The following CHSY1 variants were observed in gnomAD, a reference collection of about 807,000 sequenced individuals.
CHSY1 encodes N-acetylgalactosaminyl-proteoglycan 3-beta-glucuronosyltransferase 1.
CHSY1 carries 13 observed loss-of-function variants against 59.8 expected under a neutral mutation model. The observed-to-expected ratio is 0.22, with a 90% CI of 0.14 to 0.35. The LOEUF (loss-of-function observed/expected upper bound fraction) is 0.35. CHSY1 is among the 10% of genes least tolerant of loss of function. The pLI, the probability that CHSY1 is intolerant of heterozygous loss-of-function variation, is 1.00. For synonymous variants in CHSY1, 459 were observed against 401.2 expected, an observed-to-expected ratio of 1.14 and a Z score of -1.72; for missense variants, 947 against 1,030.6, an observed-to-expected ratio of 0.92 and a Z score of 1.11.
chr15:101,246,350 G>A (rs1192666540), intron 1 of CHSY1, among the ~76,000 whole-genome samples: 1 of 96,762 alleles, frequency 1.0e-5, no homozygotes, highest in East Asian at 2.8e-4. Context: ...AGCAAAATAC[G>A]TGTGGCTTTT....
intron 1 of CHSY1, among the ~76,000 whole-genome samples, chr15:101,244,751 C>T (rs2039035011): frequency 6.6e-6 from 1 of 152,158 alleles, no homozygotes; most frequent in African/African-American, 2.4e-5. Flanking sequence ...ATATTCTGAA[C>T]CTCTCCTCAT....
chr15:101,180,978 G>A (rs148636978), intron 2 of CHSY1, among the ~76,000 whole-genome samples: 2,706 of 152,302 alleles, frequency 0.018, 38 homozygotes, highest in East Asian at 0.097. Flanking sequence ...GTTGAGAAAG[G>A]TTATTTGCAG....
intron 1 of CHSY1, among the ~76,000 whole-genome samples, chr15:101,236,887 T>C (rs567370824): frequency 2.0e-5 from 3 of 152,006 alleles, no homozygotes; most frequent in African/African-American, 4.8e-5. Context: ...TTACCTATTT[T>C]GGTATGTCTT....
At chr15:101,249,086 A>G (rs898481196) in intron 1 of CHSY1, among the ~76,000 whole-genome samples, 1 of 151,214 alleles carries the variant, frequency 6.6e-6, no homozygotes, top group African/African-American at 2.4e-5. Flanking sequence ...GACAGGCGTG[A>G]GCCACCGCGC....
chr15:101,184,025 C>T (rs79327037), intron 2 of CHSY1, among the ~76,000 whole-genome samples: 2,721 of 152,218 alleles, frequency 0.018, 40 homozygotes, highest in East Asian at 0.1. Context: ...CTTTTTTTTA[C>T]TCCCTAGACC....
At position 101,235,409 on chromosome 15, in the gene CHSY1, C is replaced by A. The variant is rs146047900; in HGVS notation, c.489G>T (p.Lys163Asn). 1.2e-5 allele frequency: 19 copies of A among 1,614,044 alleles called. No individual in the cohort carries two copies. Among genetic ancestry groups the A allele is most frequent in the Non-Finnish European group, 1.6e-5 (19 of 1,180,038 alleles). ...CATCTGCTCTCATAAACCATTCATA[C>A]TTGTCCAAGTAGTGGTCGTGCATGT... ...LKYMHDHYLD[K>N]YEWFMRADDD... Residue 163 changes from lysine (K) to asparagine (N), a missense_variant, in exon 2 of 3, where the codon AAG becomes AAT. This residue lies in a region of CHSY1 where 108 missense variants were observed against 144.4 expected (regional missense o/e 0.75). Transcript: ENST00000254190.
chr15:101,228,920 A>C (rs1336159404), intron 2 of CHSY1, among the ~76,000 whole-genome samples: 1 of 152,240 alleles, frequency 6.6e-6, no homozygotes, highest in African/African-American at 2.4e-5. Context: ...GTTGACTGGC[A>C]TACAACGTAT....
chr15:101,228,057 A>C (rs2038857857), intron 2 of CHSY1, among the ~76,000 whole-genome samples: 1 of 152,222 alleles, frequency 6.6e-6, no homozygotes, highest in Admixed American at 6.5e-5. Context: ...CGGAAAAAGC[A>C]GCCAATACGG....
chr15:101,231,493 C>T (rs933737095), intron 2 of CHSY1, among the ~76,000 whole-genome samples: 1 of 152,178 alleles, frequency 6.6e-6, no homozygotes, highest in Non-Finnish European at 1.5e-5. Flanking sequence ...GAATTTTGAG[C>T]CACGTGACAG....
chr15:101,200,402 G>A (rs530539400), intron 2 of CHSY1, among the ~76,000 whole-genome samples: 12 of 152,266 alleles, frequency 7.9e-5, no homozygotes, highest in Non-Finnish European at 1.3e-4. Context: ...CTGTGTCCTC[G>A]AGCAAGTCTC....
intron 2 of CHSY1, among the ~76,000 whole-genome samples, chr15:101,194,072 C>G (rs2038479096): frequency 6.6e-6 from 1 of 152,260 alleles, no homozygotes; most frequent in Non-Finnish European, 1.5e-5. Flanking sequence ...CCACCAGCAT[C>G]TTTTAAAAGT....
At chr15:101,191,184 GTGAA>G (rs1043282122) in intron 2 of CHSY1, among the ~76,000 whole-genome samples, 4 of 152,330 alleles carry the variant, frequency 2.6e-5, no homozygotes, top group Non-Finnish European at 4.4e-5. Flanking sequence ...CCTTCAGTTG[GTGAA>G]TGAATAAACT....
intron 2 of CHSY1, among the ~76,000 whole-genome samples, chr15:101,196,274 C>G (rs2038506679): frequency 6.7e-6 from 1 of 149,926 alleles, no homozygotes; most frequent in African/African-American, 2.5e-5. Context: ...CATACCCTAA[C>G]TAAACAATGT....
At chr15:101,244,586 G>C (rs1401109908) in intron 1 of CHSY1, among the ~76,000 whole-genome samples, 1 of 152,170 alleles carries the variant, frequency 6.6e-6, no homozygotes, top group Non-Finnish European at 1.5e-5. Flanking sequence ...ATAGAAAAGA[G>C]CTAAGAAGAA....
Position 101,251,200 on chromosome 15 carries a change from A to G in CHSY1, c.257T>C (p.Phe86Ser). 7 of 1,600,192 alleles carry G rather than the reference A, an allele frequency of 4.4e-6. No homozygotes were observed. The highest frequency in any genetic ancestry group is 1.3e-5 in the African/African-American group (1 of 74,692). ...DPDGGPRDRN[F>S]LFVGVMTAQK... ...GGCGGTCATGACTCCCACGAAGAGAAAGTTCCTGTCGCGCGGGCCGCCATC... is the reference window on the plus strand; with the variant it reads ...GGCGGTCATGACTCCCACGAAGAGAGAGTTCCTGTCGCGCGGGCCGCCATC... Residue 86 changes from phenylalanine to serine, a missense_variant, in exon 1 of 3, where the codon TTT becomes TCT. Phe to Ser is a radical substitution (Grantham distance 155). This residue lies in a region of CHSY1 where 232 missense variants were observed against 188.5 expected (regional missense o/e 1.23). Transcript: ENST00000254190.
intron 2 of CHSY1, among the ~76,000 whole-genome samples, chr15:101,191,246 A>C (rs1347928209): frequency 1.3e-5 from 2 of 152,264 alleles, no homozygotes; most frequent in Non-Finnish European, 2.9e-5. Context: ...TTAAAAAATG[A>C]ACTATCAAAT....
At chr15:101,185,071 G>C (rs935244792) in intron 2 of CHSY1, among the ~76,000 whole-genome samples, 1 of 152,216 alleles carries the variant, frequency 6.6e-6, no homozygotes. Context: ...AATGGGCTTC[G>C]GGTGGTGCCC....
At chr15:101,202,137 GA>G (rs2038580217) in intron 2 of CHSY1, among the ~76,000 whole-genome samples, 2 of 151,478 alleles carry the variant, frequency 1.3e-5, no homozygotes, top group African/African-American at 2.4e-5. Flanking sequence ...AGGCTGCAGG[GA>G]AGGATGGAGG....
intron 2 of CHSY1, among the ~76,000 whole-genome samples, chr15:101,201,100 A>C (rs1486556058): frequency 7.3e-6 from 1 of 136,632 alleles, no homozygotes; most frequent in African/African-American, 2.7e-5. Flanking sequence ...GAGTGTGTCT[A>C]TAGGTGGGGG....
Sources: gnomAD v4.1 joint callset for allele counts (sites outside exome capture counted in the v4.1 genomes callset) on GRCh38, gnomAD v4.1.1 for gene constraint, gnomAD v4.1.1 regional missense constraint, MANE v1.5 for transcripts, NCBI Gene and HGNC (gene_info 2026-07-23, HGNC 2026-07-21) for gene names.